EPHA2: variants seen among roughly 807,000 people sequenced by gnomAD.
EPHA2 encodes the protein EPH receptor A2.
A neutral mutation model predicts 104.9 loss-of-function variants in EPHA2; 54 were observed. The ratio of observed to expected loss-of-function variants is 0.51; its 90% confidence interval spans 0.41 to 0.65. The LOEUF is 0.65. Among genes scored for constraint, EPHA2 ranks in the 30% least tolerant of loss-of-function variants. The pLI, the probability that EPHA2 is intolerant of heterozygous loss-of-function variation, is 0.00. For missense variants in EPHA2, 1,117 were observed against 1,369.5 expected, an observed-to-expected ratio of 0.82 and a Z score of 2.91; for synonymous variants, 560 against 559.1, an observed-to-expected ratio of 1.00 and a Z score of -0.02.
intron 3 of EPHA2, among the ~76,000 whole-genome samples, chr1:16,141,735 T>G (rs941883837): frequency 3.2e-4 from 49 of 152,258 alleles, no homozygotes; most frequent in Non-Finnish European, 4.7e-4. Flanking sequence ...GGGGAAGAGA[T>G]GGGCTCTTTG....
At chr1:16,136,692 GGAAGAAGAAGAAGAAGAAGAAAA>G (rs1339951114) in intron 5 of EPHA2, among the ~76,000 whole-genome samples, 1,673 of 59,990 alleles carry the variant, frequency 0.028, 65 homozygotes, top group African/African-American at 0.11. Context: ...AAGAAGAAGA[GGAAGAAGAAGAAGAAGAAGAAAA>G]GAAGAAGAAG....
At chr1:16,140,695 T>C (rs960901308) in intron 3 of EPHA2, among the ~76,000 whole-genome samples, 3 of 152,210 alleles carry the variant, frequency 2.0e-5, no homozygotes, top group Non-Finnish European at 4.4e-5. Flanking sequence ...CTCAGCTCAC[T>C]GCAACCTCCG....
chr1:16,136,684 GAAGAAGAGGAAGAAGAAGAAGAAGAAGAA>G (rs2024698250), intron 5 of EPHA2, among the ~76,000 whole-genome samples: 1 of 101,262 alleles, frequency 9.9e-6, no homozygotes, highest in African/African-American at 7.0e-5. Context: ...GAAGAAGAAA[GAAGAAGAGGAAGAAGAAGAAGAAGAAGAA>G]AAGAAGAAGA....
rs1289700800 is a variant in EPHA2, at chr1:16,135,690, G to C, written c.1393C>G (p.Arg465Gly). Residue 465 changes from arginine (R) to glycine (G), a missense_variant, in exon 6 of 17, where the codon CGA becomes GGA. Around this residue, in one of 3 missense-constraint regions of EPHA2, gnomAD observed 664 missense variants for 784.8 expected, o/e 0.85. Coordinates refer to ENST00000358432, the MANE Select transcript of EPHA2 (RefSeq NM_004431.5). This position sits in a 1 kb window ranked among gnomAD's most constrained non-coding sequence, Gnocchi z 4.3. Reference sequence around the variant, plus strand: ...TAAGTGACCTCGTACTTCCACACTCGGCTCTGCTGCGGCGGGGGGATGCTC... The same window carrying C: ...TAAGTGACCTCGTACTTCCACACTCCGCTCTGCTGCGGCGGGGGGATGCTC... ...SWSIPPPQQSRVWKYEVTYRK... is the reference protein window; with the variant it reads ...SWSIPPPQQSGVWKYEVTYRK... 1.2e-6 allele frequency: 2 copies of C among 1,613,798 alleles called. No individual in the cohort carries two copies. Among genetic ancestry groups the C allele is most frequent in the Non-Finnish European group, 1.7e-6 (2 of 1,180,016 alleles).
At position 16,133,577 on chromosome 1, in the gene EPHA2, C is replaced by A; in HGVS notation, c.1768G>T (p.Asp590Tyr). The A allele has an allele frequency of 6.2e-7, 1 of 1,614,054 alleles. No individual in the cohort carries two copies. Among genetic ancestry groups the A allele is most frequent in the Non-Finnish European group, 8.5e-7 (1 of 1,179,964 alleles). Reference sequence around the variant, plus strand: ...TTGGGGTCCTCATATGTGTGGGGGTCCACGTATGTCTTCAGGGGCTTCAGT... The same window carrying A: ...TTGGGGTCCTCATATGTGTGGGGGTACACGTATGTCTTCAGGGGCTTCAGT... Reference protein sequence around the residue: ...EQLKPLKTYVDPHTYEDPNQA... With the variant: ...EQLKPLKTYVYPHTYEDPNQA... Residue 590 changes from aspartate (D) to tyrosine (Y), a missense_variant, in exon 10 of 17, where the codon GAC becomes TAC. Around this residue, in one of 3 missense-constraint regions of EPHA2, gnomAD observed 113 missense variants for 104.3 expected, o/e 1.08. Coordinates refer to ENST00000358432, the MANE Select transcript of EPHA2 (RefSeq NM_004431.5).
intron 3 of EPHA2, among the ~76,000 whole-genome samples, chr1:16,144,173 G>A (rs1402495280): frequency 7.2e-5 from 11 of 152,128 alleles, no homozygotes; most frequent in South Asian, 2.1e-4. Context: ...GCCGGTGCCC[G>A]CCCAGCGGAG....
chr1:16,145,570 C>A (rs920635467), intron 3 of EPHA2, among the ~76,000 whole-genome samples: 1 of 152,146 alleles, frequency 6.6e-6, no homozygotes, highest in Non-Finnish European at 1.5e-5. Flanking sequence ...GGTCTCCAGG[C>A]CTGGGGAGGG....
At position 16,130,502 on chromosome 1, in the gene EPHA2, G is replaced by A. The variant is rs2024553347; in HGVS notation, c.2476-83C>T. 1 of 1,334,372 alleles carries A rather than the reference G, an allele frequency of 7.5e-7. No individual in the cohort carries two copies. Among genetic ancestry groups the A allele is most frequent in the Non-Finnish European group, 1.0e-6 (1 of 993,766 alleles). The allele number at this position is 1,334,372 out of a possible 1,614,324, so 82.7% of individuals were successfully genotyped here. On this transcript the variant is annotated intron_variant, in intron 14 of 16. Transcript: ENST00000358432. This position sits in a 1 kb window ranked among gnomAD's most constrained non-coding sequence, Gnocchi z 4.5. ...GCCTCCAGCCTATGGAGGTGGGCAGGGGAGGGGAGGGGAACAGGAACATCC... is the reference window on the plus strand; with the variant it reads ...GCCTCCAGCCTATGGAGGTGGGCAGAGGAGGGGAGGGGAACAGGAACATCC...
At position 16,134,548 on chromosome 1, in the gene EPHA2, G is replaced by A. The variant is rs989510381; in HGVS notation, c.1602C>T (p.Asn534=). ...CAGCCACGCCGCCAATCACCGCCAAGTTGCCAGATCCCTCCGGGGCTGGTG... is the reference window on the plus strand; with the variant it reads ...CAGCCACGCCGCCAATCACCGCCAAATTGCCAGATCCCTCCGGGGCTGGTG... ...FQTLSPEGSG[N]LAVIGGVAVG... The change falls in exon 8 of 17, where the codon AAC becomes AAT. Residue 534 remains asparagine, a synonymous_variant. Coordinates refer to ENST00000358432, the MANE Select transcript of EPHA2 (RefSeq NM_004431.5). The surrounding 1 kb of genome is among the most constrained non-coding windows in gnomAD (Gnocchi z 4.5). 1.2e-6 allele frequency: 2 copies of A among 1,614,032 alleles called. No homozygotes were observed. The highest frequency in any genetic ancestry group is 1.7e-5 in the Admixed American group (1 of 60,008).
At position 16,148,037 on chromosome 1, in the gene EPHA2, A is replaced by G. The variant is rs2024965239; in HGVS notation, c.823+341T>C. 6.6e-6 allele frequency among the ~76,000 whole-genome samples: 1 copy of G among 151,854 alleles called. No homozygotes were observed. ...ATTACAGGTGCATGCCACCACACCCAGCTAATTTTTGTGTTTTTGGTAGAG... is the reference window on the plus strand; with the variant it reads ...ATTACAGGTGCATGCCACCACACCCGGCTAATTTTTGTGTTTTTGGTAGAG... On this transcript the variant is annotated intron_variant, in intron 3 of 16. Coordinates refer to ENST00000358432, the MANE Select transcript of EPHA2 (RefSeq NM_004431.5). The surrounding 1 kb of genome is among the most constrained non-coding windows in gnomAD (Gnocchi z 4.9).
chr1:16,148,829 G>C lies in EPHA2; in HGVS notation c.372C>G (p.Ala124=), dbSNP rs201623960. ...SCKETFNLYY[A]ESDLDYGTNF... ...TGGTGCCGTAGTCCAGGTCCGACTC[G>C]GCATAGTAGAGGTTGAAAGTCTCCT... Residue 124 remains alanine (A), a synonymous_variant, in exon 3 of 17, where the codon GCC becomes GCG. Coordinates refer to ENST00000358432, the MANE Select transcript of EPHA2 (RefSeq NM_004431.5). The surrounding 1 kb of genome is among the most constrained non-coding windows in gnomAD (Gnocchi z 4.9). 1 of 1,614,118 alleles carries C rather than the reference G, an allele frequency of 6.2e-7. No homozygotes were observed. The highest frequency in any genetic ancestry group is 1.7e-5 in the Admixed American group (1 of 60,020).
chr1:16,143,158 T>TGATGGATG (rs34028517), intron 3 of EPHA2, among the ~76,000 whole-genome samples: 64,148 of 122,472 alleles, frequency 0.52, 17,311 homozygotes, highest in East Asian at 0.86. Flanking sequence ...AATGGATGGA[T>TGATGGATG]GATGGATGGA....
At chr1:16,138,226 C>G (rs768623127) in intron 4 of EPHA2, 41 bp from the exon 5 acceptor site, 32 of 1,611,862 alleles carry the variant, frequency 2.0e-5, no homozygotes, top group Non-Finnish European at 2.7e-5. Flanking sequence ...TGGACCCAGG[C>G]GGACACGTCA....
intron 5 of EPHA2, among the ~76,000 whole-genome samples, chr1:16,136,713 AAAG>A (rs202150956): frequency 0.078 from 8,033 of 102,602 alleles, 374 homozygotes; most frequent in South Asian, 0.12. Flanking sequence ...AAGAAGAAGA[AAAG>A]AAGAAGAAGA....
rs756778714 is a variant in EPHA2, at chr1:16,133,247, G to C, written c.1986C>G (p.Gly662=). The change falls in exon 11 of 17, where the codon GGC becomes GGG. Residue 662 remains glycine, a synonymous_variant. Coordinates refer to ENST00000358432, the MANE Select transcript of EPHA2 (RefSeq NM_004431.5). ...TGAACTGGCCCATGATGCCGGCCTC[G>C]CCGAGGAAGTCCACTCGCTGCTTCT... ...YTEKQRVDFL[G]EAGIMGQFSH... is the part of the protein sequence containing the mutation. 12 of 1,613,672 alleles carry C rather than the reference G, an allele frequency of 7.4e-6. No homozygotes were observed. Among genetic ancestry groups the C allele is most frequent in the African/African-American group, 1.3e-5 (1 of 74,842 alleles).
chr1:16,145,434 G>GA (rs1557513341), intron 3 of EPHA2, among the ~76,000 whole-genome samples: 1 of 152,206 alleles, frequency 6.6e-6, no homozygotes, highest in Non-Finnish European at 1.5e-5. Flanking sequence ...GCTTCCTGGG[G>GA]AAAGAACCCT....
rs2024662646 is a variant in EPHA2, at chr1:16,135,320, G to A, written c.1429-131C>T. On this transcript the variant is annotated intron_variant, in intron 6 of 16. Transcript: ENST00000358432. This position sits in a 1 kb window ranked among gnomAD's most constrained non-coding sequence, Gnocchi z 4.3. ...TAGCAAACTTGAGGCTCTTCTTACAGAGGAGGAAACTGAGGCTCGGAATTA... is the reference window on the plus strand; with the variant it reads ...TAGCAAACTTGAGGCTCTTCTTACAAAGGAGGAAACTGAGGCTCGGAATTA... 1.6e-6 allele frequency: 2 copies of A among 1,235,810 alleles called. No homozygotes were observed. Among genetic ancestry groups the A allele is most frequent in the South Asian group, 2.5e-5 (2 of 78,432 alleles). The allele number at this position is 1,235,810 out of a possible 1,614,324, so 76.6% of individuals were successfully genotyped here.
In EPHA2 at chr1:16,131,091, C is replaced by T. The variant is rs1419979058; in HGVS notation, c.2475+630G>A. 6.6e-6 allele frequency among the ~76,000 whole-genome samples: 1 copy of T among 152,164 alleles called. No individual in the cohort carries two copies. Among genetic ancestry groups the T allele is most frequent in the East Asian group, 1.9e-4 (1 of 5,184 alleles). On this transcript the variant is annotated intron_variant, in intron 14 of 16. Coordinates refer to ENST00000358432, the MANE Select transcript of EPHA2 (RefSeq NM_004431.5). The surrounding 1 kb of genome is among the most constrained non-coding windows in gnomAD (Gnocchi z 5.2). ...ACCTCTTCTGAGAAGCCTCCCAGGC[C>T]ACCAGGCTGAGAGAGGCACCAAGCA... is the stretch of plus-strand genomic sequence containing the variant.
chr1:16,129,934 G>A (rs193185210), intron 15 of EPHA2, among the ~76,000 whole-genome samples: 24 of 152,256 alleles, frequency 1.6e-4, no homozygotes, highest in Admixed American at 1.5e-3. Flanking sequence ...CTGTGTCTCA[G>A]TTTCTTCTTC....
Sources: gnomAD v4.1 joint callset for allele counts (sites outside exome capture counted in the v4.1 genomes callset) on GRCh38, gnomAD v4.1.1 for gene constraint, gnomAD v4.1.1 regional missense constraint, Gnocchi (gnomAD v3.1) non-coding constraint, MANE v1.5 for transcripts, NCBI Gene and HGNC (gene_info 2026-07-23, HGNC 2026-07-21) for gene names.